The following OR10H1 variants were observed in gnomAD, a reference collection of about 807,000 sequenced individuals.
OR10H1 encodes the protein olfactory receptor 10H1.
Under a neutral mutation model 13.1 loss-of-function variants are expected in OR10H1, and 12 were observed. That is an observed-to-expected ratio of 0.92 (90% CI 0.59 to 1.48). OR10H1 has a LOEUF of 1.48. Ranked by LOEUF, OR10H1 falls within the 40% of genes most tolerant of loss-of-function variation. The pLI is 0.00. For missense variants in OR10H1, 363 were observed against 413.1 expected (o/e 0.88, Z 1.05); for synonymous variants, 168 against 175.6 (o/e 0.96, Z 0.34).
Position 15,804,922 on chromosome 19 carries a change from T to G in OR10H1, c.*2159A>C, listed in dbSNP as rs1260595626. ...TTTTAGTGATTGCCATTCTAACTGGTGTGAGATGATATCTCATTGTGGTTT... is the reference window on the plus strand; with the variant it reads ...TTTTAGTGATTGCCATTCTAACTGGGGTGAGATGATATCTCATTGTGGTTT... On this transcript the variant is annotated 3_prime_UTR_variant, in exon 4 of 4. Transcript: ENST00000641419. 6.6e-6 allele frequency: 1 copy of G among 152,232 alleles called. No individual in the cohort carries two copies. Among genetic ancestry groups the G allele is most frequent in the African/African-American group, 2.4e-5 (1 of 41,466 alleles). The allele number at this position is 152,232 out of a possible 1,614,324, so 9.4% of individuals were successfully genotyped here. A position where few individuals can be genotyped will look rare whatever the true frequency, so the allele number is the denominator to read the frequency against.
intron 1 of OR10H1, among the ~76,000 whole-genome samples, chr19:15,814,478 TGTGAGAGAGAGAGAGAGAGAGAGAGAGA>T (rs2088954483): frequency 3.8e-5 from 1 of 26,462 alleles, no homozygotes; most frequent in Non-Finnish European, 8.0e-5. Flanking sequence ...TGTGTGTGTG[TGTGAGAGAGAGAGAGAGAGAGAGAGAGA>T]GAGAGAGAGA....
At position 15,806,878 on chromosome 19, in the gene OR10H1, C is replaced by G. The variant is rs1436116255; in HGVS notation, c.*203G>C. 1 of 547,322 alleles carries G rather than the reference C, an allele frequency of 1.8e-6. No homozygotes were observed. Among genetic ancestry groups the G allele is most frequent in the Non-Finnish European group, 3.3e-6 (1 of 307,102 alleles). 33.9% of individuals were successfully genotyped at this position (547,322 alleles called of 1,614,324 possible). A position where few individuals can be genotyped will look rare whatever the true frequency, so the allele number is the denominator to read the frequency against. On this transcript the variant is annotated 3_prime_UTR_variant, in exon 4 of 4. Coordinates refer to ENST00000641419, the MANE Select transcript of OR10H1 (RefSeq NM_013940.4). ...AGTAGCTAGGGTTACAGGCATGTGCCAACATGCCTGGCTAATTTTTGTATT... is the reference window on the plus strand; with the variant it reads ...AGTAGCTAGGGTTACAGGCATGTGCGAACATGCCTGGCTAATTTTTGTATT...
intron 3 of OR10H1, 103 bp from the exon 4 acceptor site, chr19:15,808,151 T>A: frequency 1.1e-6 from 1 of 910,096 alleles, no homozygotes; most frequent in Non-Finnish European, 1.7e-6. Context: ...TGATAAATGG[T>A]TTGGTTCCAT....
In OR10H1 at chr19:15,807,985, G is replaced by A. The variant is rs147833765; in HGVS notation, c.53C>T (p.Ser18Phe). 30 of 1,614,048 alleles carry A rather than the reference G, an allele frequency of 1.9e-5. No homozygotes were observed. Among genetic ancestry groups the A allele is most frequent in the Non-Finnish European group, 1.7e-6 (2 of 1,180,030 alleles). The change falls in exon 4 of 4, where the codon TCT becomes TTT. Residue 18 changes from serine to phenylalanine, a missense_variant. Physicochemically the swap from Ser to Phe is radical, Grantham distance 155 (BLOSUM62 -2). Around this residue, in one of 3 missense-constraint regions of OR10H1, gnomAD observed 318 missense variants for 366.6 expected, o/e 0.87. Transcript: ENST00000641419. ...TVTQFILVGF[S>F]VFPHLQLMLF... is the part of the protein sequence containing the mutation. ...CATCAGCTGGAGGTGGGGGAAGACA[G>A]AGAAGCCGACGAGGATGAATTGGGT... is the stretch of plus-strand genomic sequence containing the variant.
chr19:15,805,104 T>C lies in OR10H1; in HGVS notation c.*1977A>G, dbSNP rs2088888070. The C allele has an allele frequency of 6.6e-6, 1 of 152,100 alleles. No individual in the cohort carries two copies. The highest frequency in any genetic ancestry group is 1.5e-5 in the Non-Finnish European group (1 of 68,016). 9.4% of individuals were successfully genotyped at this position (152,100 alleles called of 1,614,324 possible). A position where few individuals can be genotyped will look rare whatever the true frequency, so the allele number is the denominator to read the frequency against. On this transcript the variant is annotated 3_prime_UTR_variant, in exon 4 of 4. Coordinates refer to ENST00000641419, the MANE Select transcript of OR10H1 (RefSeq NM_013940.4). ...TTCTTGTAAATTTGTTTGAGTTCAT[T>C]GTAGATTCTGGATATTAGCCCTTTG...
rs1294267974 is a variant in OR10H1 at position 15,805,503 on chromosome 19, A to G, written c.*1578T>C. On this transcript the variant is annotated 3_prime_UTR_variant, in exon 4 of 4. Transcript: ENST00000641419. ...CAGTCTGTCACCCAGGCTGGAGTGC[A>G]GTGGTGTGATCTCAGCTCACTGCAA... 1 of 129,888 alleles carries G rather than the reference A, an allele frequency of 7.7e-6. No homozygotes were observed. Among genetic ancestry groups the G allele is most frequent in the Non-Finnish European group, 1.5e-5 (1 of 65,182 alleles). The allele number at this position is 129,888 out of a possible 1,614,324, so 8.0% of individuals were successfully genotyped here. A position where few individuals can be genotyped will look rare whatever the true frequency, so the allele number is the denominator to read the frequency against.
rs974669332 is a variant in OR10H1, at chr19:15,812,871, C to T, written c.-770G>A. The T allele has an allele frequency of 6.6e-6, 1 of 151,990 alleles. No individual in the cohort carries two copies. Among genetic ancestry groups the T allele is most frequent in the Non-Finnish European group, 1.5e-5 (1 of 68,020 alleles). 9.4% of individuals were successfully genotyped at this position (151,990 alleles called of 1,614,324 possible). A position where few individuals can be genotyped will look rare whatever the true frequency, so the allele number is the denominator to read the frequency against. On this transcript the variant is annotated 5_prime_UTR_variant, in exon 2 of 4. Transcript: ENST00000641419. ...GCAGAATGCAGCTAAAAGGGTAGTC[C>T]AGTCATTCTGGAAAAATCAAAACCA...
At position 15,806,055 on chromosome 19, in the gene OR10H1, C is replaced by T. The variant is rs779914644; in HGVS notation, c.*1026G>A. On this transcript the variant is annotated 3_prime_UTR_variant, in exon 4 of 4. Transcript: ENST00000641419. ...TCTCCTCTGCTATAATCTGGAGTAG[C>T]CTTACAAAATCTGAGTTGTAGCTAC... The T allele has an allele frequency of 6.6e-6, 1 of 152,124 alleles. No homozygotes were observed. The highest frequency in any genetic ancestry group is 2.4e-5 in the African/African-American group (1 of 41,414). 9.4% of individuals were successfully genotyped at this position (152,124 alleles called of 1,614,324 possible). A position where few individuals can be genotyped will look rare whatever the true frequency, so the allele number is the denominator to read the frequency against.
In OR10H1 at chr19:15,811,524, T is replaced by A. The variant is rs543990718; in HGVS notation, c.-129+706A>T. ...AAAATGTCTCCAGAAAACACCCATG[T>A]CTCCATGGGGCTCAAAGTCACCCCC... On this transcript the variant is annotated intron_variant, in intron 2 of 3. Coordinates refer to ENST00000641419, the MANE Select transcript of OR10H1 (RefSeq NM_013940.4). Among the ~76,000 whole-genome samples the A allele has an allele frequency of 3.3e-5, 5 of 152,154 alleles. No individual in the cohort carries two copies. The East Asian group carries it at 9.6e-4, about 29-fold the overall frequency.
Position 15,806,943 on chromosome 19 carries a change from T to C in OR10H1, c.*138A>G. The C allele has an allele frequency of 1.3e-6, 1 of 768,456 alleles. No homozygotes were observed. Among genetic ancestry groups the C allele is most frequent in the Admixed American group, 2.4e-5 (1 of 41,888 alleles). The allele number at this position is 768,456 out of a possible 1,614,324, so 47.6% of individuals were successfully genotyped here. ...GGTTTCGCCATGTTAGCCATGCTGG[T>C]CTCAAACTCCTGACCTCAGGTGATC... On this transcript the variant is annotated 3_prime_UTR_variant, in exon 4 of 4. Coordinates refer to ENST00000641419, the MANE Select transcript of OR10H1 (RefSeq NM_013940.4).
At chr19:15,809,604 A>C (rs2088921789) in intron 2 of OR10H1, among the ~76,000 whole-genome samples, 1 of 152,098 alleles carries the variant, frequency 6.6e-6, no homozygotes, top group Non-Finnish European at 1.5e-5. Context: ...ATATTTTGTA[A>C]AGTTGAGCAG....
chr19:15,807,048 TAATCCAA>T lies in OR10H1; in HGVS notation c.*26_*32del, dbSNP rs2088899692. On this transcript the variant is annotated 3_prime_UTR_variant, in exon 4 of 4. Coordinates refer to ENST00000641419, the MANE Select transcript of OR10H1 (RefSeq NM_013940.4). Reference sequence around the variant, plus strand: ...CGTAATTTTTAACAATAGCCTTCGGTAATCCAATTTAGTTGTTCCCAGTGAATTTCTC... The same window carrying T: ...CGTAATTTTTAACAATAGCCTTCGGTTTTAGTTGTTCCCAGTGAATTTCTC... 1 of 1,576,358 alleles carries T rather than the reference TAATCCAA, an allele frequency of 6.3e-7. No homozygotes were observed. Among genetic ancestry groups the T allele is most frequent in the African/African-American group, 1.4e-5 (1 of 73,730 alleles).
chr19:15,813,659 T>C (rs1234323656), intron 1 of OR10H1, among the ~76,000 whole-genome samples: 1 of 47,050 alleles, frequency 2.1e-5, no homozygotes, highest in Non-Finnish European at 4.2e-5. Flanking sequence ...AGTGGGGAGA[T>C]AGAGAGTGGG....
intron 1 of OR10H1, among the ~76,000 whole-genome samples, chr19:15,813,751 G>T (rs1350874192): frequency 6.7e-6 from 1 of 148,346 alleles, no homozygotes; most frequent in African/African-American, 2.5e-5. Context: ...GAGAGACACA[G>T]AGAGTGTGGG....
intron 1 of OR10H1, 94 bp from the exon 2 acceptor site, chr19:15,812,972 G>A (rs1375373865): frequency 6.6e-6 from 1 of 152,122 alleles, no homozygotes; most frequent in Non-Finnish European, 1.5e-5. Context: ...GGGCACAGAG[G>A]GTTTTTAAGA....
chr19:15,814,442 C>A (rs1426244575), intron 1 of OR10H1, among the ~76,000 whole-genome samples: 3 of 118,884 alleles, frequency 2.5e-5, no homozygotes, highest in Non-Finnish European at 3.6e-5. Flanking sequence ...ATTGACGCCT[C>A]CCTTGTGTGT....
intron 2 of OR10H1, among the ~76,000 whole-genome samples, chr19:15,810,281 A>C (rs971049027): frequency 4.6e-5 from 6 of 129,682 alleles, no homozygotes; most frequent in Non-Finnish European, 9.8e-5. Flanking sequence ...GTGACAGAGC[A>C]AGACTCCTTC....
intron 2 of OR10H1, among the ~76,000 whole-genome samples, chr19:15,810,293 CAAA>C (rs56079033): frequency 9.3e-5 from 10 of 107,334 alleles, no homozygotes; most frequent in African/African-American, 1.4e-4. Flanking sequence ...GACTCCTTCT[CAAA>C]AAAAAAAAAA....
intron 2 of OR10H1, among the ~76,000 whole-genome samples, chr19:15,809,514 A>G (rs1404437846): frequency 6.6e-6 from 1 of 152,026 alleles, no homozygotes; most frequent in East Asian, 1.9e-4. Flanking sequence ...GCTGGTCTGG[A>G]ACTCCACCCC....
Sources: gnomAD v4.1 joint callset for allele counts (sites outside exome capture counted in the v4.1 genomes callset) on GRCh38, gnomAD v4.1.1 for gene constraint, gnomAD v4.1.1 regional missense constraint, MANE v1.5 for transcripts, NCBI Gene and HGNC (gene_info 2026-07-23, HGNC 2026-07-21) for gene names.